Variants in HMGCLL1 observed in about 807,000 individuals in gnomAD.
HMGCLL1 encodes the protein 3-hydroxy-3-methylglutaryl-CoA lyase like 1, also known as 3-hydroxymethyl-3-methylglutaryl-CoA lyase, cytoplasmic.
A neutral mutation model predicts 39.1 loss-of-function variants in HMGCLL1; 36 were observed. That is an observed-to-expected ratio of 0.92 (90% confidence interval 0.71 to 1.22). The LOEUF (loss-of-function observed/expected upper bound fraction) is 1.22, where lower values mean the gene tolerates loss of function less well. HMGCLL1 is among the 50% of genes most tolerant of loss of function. HMGCLL1 has a pLI of 0.00. For missense variants in HMGCLL1, 451 were observed against 416.5 expected (o/e 1.08, Z -0.72); for synonymous variants, 149 against 144.0 (o/e 1.03, Z -0.25).
the HMGCLL1 span, among the ~76,000 whole-genome samples, chr6:55,589,096 C>T: frequency 0.025 from 3,733 of 152,110 alleles, 70 homozygotes; most frequent in Middle Eastern, 0.048. Flanking sequence ...GGCAGAGACA[C>T]AATGAAAAAA....
In HMGCLL1 at chr6:55,568,117, G is replaced by A. The variant is rs188190302; in HGVS notation, c.108+10831C>T. Among the ~76,000 whole-genome samples the A allele has an allele frequency of 2.5e-3, 374 of 152,030 alleles. 2 individuals are homozygous for A. The highest frequency in any genetic ancestry group is 8.4e-3 in the African/African-American group (347 of 41,496). ...TCTGGTTTTGGAATGAATGTTTTGG[G>A]AACAACATTTACTAATTGGTATTAT... On this transcript the variant is annotated intron_variant, in intron 1 of 8. Coordinates refer to ENST00000274901, the MANE Select transcript of HMGCLL1 (RefSeq NM_001042406.2).
chr6:55,639,790 A>G, the HMGCLL1 span, among the ~76,000 whole-genome samples: 3 of 152,104 alleles, frequency 2.0e-5, no homozygotes, highest in Non-Finnish European at 4.4e-5. Flanking sequence ...AGAAAAAGAG[A>G]AACGTGGGCC....
chr6:55,529,382 T>G (rs889790584), intron 3 of HMGCLL1, among the ~76,000 whole-genome samples: 1 of 152,094 alleles, frequency 6.6e-6, no homozygotes, highest in Non-Finnish European at 1.5e-5. Flanking sequence ...CTTCCTATAC[T>G]TACACTTCTT....
chr6:55,641,519 C>T, the HMGCLL1 span, among the ~76,000 whole-genome samples: 1 of 151,788 alleles, frequency 6.6e-6, no homozygotes, highest in Admixed American at 6.6e-5. Context: ...AATAGATATG[C>T]TTTTCTGATC....
At chr6:55,507,285 T>G (rs9475326) in intron 5 of HMGCLL1, among the ~76,000 whole-genome samples, 102,315 of 151,484 alleles carry the variant, frequency 0.68, 34,584 homozygotes, top group Non-Finnish European at 0.7. Context: ...ATAGGGTTTG[T>G]TATAATACTA....
chr6:55,577,758 A>T (rs1771830875), intron 1 of HMGCLL1, among the ~76,000 whole-genome samples: 1 of 152,232 alleles, frequency 6.6e-6, no homozygotes, highest in Middle Eastern at 3.2e-3. Context: ...AGTCAAGAAC[A>T]TTAAGATAAA....
chr6:55,475,682 C>T (rs995871657), intron 7 of HMGCLL1, among the ~76,000 whole-genome samples: 2 of 151,470 alleles, frequency 1.3e-5, no homozygotes, highest in African/African-American at 2.4e-5. Flanking sequence ...AATTATTTTC[C>T]ACTGTTAGCC....
At chr6:55,507,967 G>C (rs2127432497) in intron 5 of HMGCLL1, among the ~76,000 whole-genome samples, 1 of 151,684 alleles carries the variant, frequency 6.6e-6, no homozygotes, top group Middle Eastern at 3.4e-3. Flanking sequence ...TAGCTTCTAG[G>C]GTTTCTGTCC....
chr6:55,553,163 A>C lies in HMGCLL1; in HGVS notation c.109-11023T>G, dbSNP rs554698720. 7.6e-3 allele frequency among the ~76,000 whole-genome samples: 658 copies of C among 86,840 alleles called. 2 individuals are homozygous for C. The highest frequency in any genetic ancestry group is 0.02 in the African/African-American group (463 of 22,740). 57.0% of individuals were successfully genotyped at this position (86,840 alleles called of 152,430 possible). Reference sequence around the variant, plus strand: ...CATCTCTCTCTCTCTCTCTCTCTATATATATATATATACATACACACACAC... The same window carrying C: ...CATCTCTCTCTCTCTCTCTCTCTATCTATATATATATACATACACACACAC... On this transcript the variant is annotated intron_variant, in intron 1 of 8. Coordinates refer to ENST00000274901, the MANE Select transcript of HMGCLL1 (RefSeq NM_001042406.2).
intron 1 of HMGCLL1, among the ~76,000 whole-genome samples, chr6:55,574,024 T>C (rs1771643973): frequency 6.6e-6 from 1 of 152,124 alleles, no homozygotes; most frequent in South Asian, 2.1e-4. Flanking sequence ...TTGAGAAATC[T>C]GCATTTTGCA....
At position 55,435,368 on chromosome 6, in the gene HMGCLL1, A is replaced by G. The variant is rs146232811; in HGVS notation, c.*294T>C. On this transcript the variant is annotated 3_prime_UTR_variant, in exon 9 of 9. Transcript: ENST00000274901. ...TGATACTTGGGGAAATACGAAGTCA[A>G]TTTTCCCATCTACTAAATTAAAAAG... 41 of 237,572 alleles carry G rather than the reference A, an allele frequency of 1.7e-4. No homozygotes were observed. Among genetic ancestry groups the G allele is most frequent in the Non-Finnish European group, 3.0e-4 (36 of 120,616 alleles). 14.7% of individuals were successfully genotyped at this position (237,572 alleles called of 1,614,324 possible).
At chr6:55,660,347 T>C in the HMGCLL1 span, among the ~76,000 whole-genome samples, 54 of 152,002 alleles carry the variant, frequency 3.6e-4, no homozygotes, top group African/African-American at 1.3e-3. Flanking sequence ...ATAATTGTTT[T>C]TTCTGTTCTT....
intron 7 of HMGCLL1, among the ~76,000 whole-genome samples, chr6:55,485,699 T>C (rs1039821858): frequency 7.2e-5 from 11 of 151,826 alleles, no homozygotes; most frequent in African/African-American, 2.7e-4. Context: ...ATGAAAGAAC[T>C]GTTCAGCCCC....
chr6:55,438,206 A>T (rs1216337316), intron 8 of HMGCLL1, among the ~76,000 whole-genome samples: 1 of 152,106 alleles, frequency 6.6e-6, no homozygotes, highest in Non-Finnish European at 1.5e-5. Context: ...TTAAGATACG[A>T]TGTAAATGAA....
At chr6:55,466,111 T>A (rs771455428) in intron 7 of HMGCLL1, among the ~76,000 whole-genome samples, 2 of 152,094 alleles carry the variant, frequency 1.3e-5, no homozygotes, top group East Asian at 3.9e-4. Context: ...TGAGGCCTAC[T>A]AGTATTGAGA....
the HMGCLL1 span, among the ~76,000 whole-genome samples, chr6:55,613,539 C>G: frequency 6.6e-6 from 1 of 151,958 alleles, no homozygotes; most frequent in Non-Finnish European, 1.5e-5. Context: ...GACATGGAAC[C>G]AACTCAAAGG....
At chr6:55,663,389 GT>G in the HMGCLL1 span, among the ~76,000 whole-genome samples, 1 of 151,668 alleles carries the variant, frequency 6.6e-6, no homozygotes, top group Admixed American at 6.6e-5. Context: ...TTTTATCTTT[GT>G]TCTCATTAGT....
At chr6:55,534,436 A>G (rs1476373378) in intron 3 of HMGCLL1, among the ~76,000 whole-genome samples, 1 of 152,188 alleles carries the variant, frequency 6.6e-6, no homozygotes, top group Non-Finnish European at 1.5e-5. Flanking sequence ...TAAAATTTAC[A>G]AGGCTTGGTT....
chr6:55,638,415 A>C, the HMGCLL1 span, among the ~76,000 whole-genome samples: 1 of 152,046 alleles, frequency 6.6e-6, no homozygotes, highest in Non-Finnish European at 1.5e-5. Flanking sequence ...CTCAAAAAAA[A>C]AAAAAAAATG....
Sources: allele counts gnomAD v4.1 joint callset (sites outside exome capture counted in the v4.1 genomes callset), GRCh38; gene constraint gnomAD v4.1.1; transcripts MANE v1.5; gene names NCBI Gene and HGNC (gene_info 2026-07-23, HGNC 2026-07-21).